DZIP3: variants seen among roughly 807,000 people sequenced by gnomAD.
The protein encoded by DZIP3 is E3 ubiquitin-protein ligase DZIP3.
In DZIP3, 118 loss-of-function variants were observed where a neutral mutation model predicts 162.0. The observed-to-expected ratio is 0.73, with a 90% CI of 0.63 to 0.85. DZIP3 has a LOEUF of 0.85. Among genes scored for constraint, DZIP3 ranks in the 40% least tolerant of loss-of-function variants. DZIP3 has a pLI of 0.00. For missense variants in DZIP3, 1,331 were observed against 1,407.0 expected, an observed-to-expected ratio of 0.95 and a Z score of 0.86; for synonymous variants, 438 against 458.6, an observed-to-expected ratio of 0.96 and a Z score of 0.57.
intron 3 of DZIP3, among the ~76,000 whole-genome samples, chr3:108,609,935 A>C (rs901789262): frequency 6.6e-6 from 1 of 152,198 alleles, no homozygotes; most frequent in Non-Finnish European, 1.5e-5. Flanking sequence ...ATGATTCTAC[A>C]AGTACTTTTG....
chr3:108,636,593 T>A (rs1431387664), intron 10 of DZIP3, 23 bp from the exon 11 acceptor site: 1 of 1,457,518 alleles, frequency 6.9e-7, no homozygotes, highest in Admixed American at 2.4e-5. Flanking sequence ...TCTATTTTTA[T>A]TTTTTTCTAT....
intron 27 of DZIP3, 104 bp from the exon 28 acceptor site, chr3:108,686,341 T>A: frequency 2.8e-6 from 3 of 1,056,344 alleles, no homozygotes; most frequent in Non-Finnish European, 3.8e-6. Flanking sequence ...AAAAATTGAA[T>A]GTGTATGCCA....
At chr3:108,651,656 C>T (rs76994162) in intron 18 of DZIP3, among the ~76,000 whole-genome samples, 1,970 of 151,688 alleles carry the variant, frequency 0.013, 42 homozygotes, top group African/African-American at 0.045. Context: ...AAGACTTAAC[C>T]TGCATTTTTT....
chr3:108,646,666 A>T lies in DZIP3; in HGVS notation c.1792+17A>T. 5 of 1,526,496 alleles carry T rather than the reference A, an allele frequency of 3.3e-6. No individual in the cohort carries two copies. Among genetic ancestry groups the T allele is most frequent in the Non-Finnish European group, 4.4e-6 (5 of 1,132,618 alleles). 94.6% of individuals were successfully genotyped at this position (1,526,496 alleles called of 1,614,324 possible). On this transcript the variant is annotated intron_variant, in intron 15 of 32. Transcript: ENST00000361582. ...GCAGTCAGCGTAAGTATATTTAGAA[A>T]TAAAATGTGTAAATGACTTTTTAAC...
intron 21 of DZIP3, among the ~76,000 whole-genome samples, chr3:108,668,164 GA>G: frequency 6.6e-6 from 1 of 152,062 alleles, no homozygotes; most frequent in Non-Finnish European, 1.5e-5. Context: ...GATGACAGTT[GA>G]AGTGTTAACA....
At chr3:108,628,388 C>T (rs1361310102) in intron 7 of DZIP3, among the ~76,000 whole-genome samples, 1 of 152,156 alleles carries the variant, frequency 6.6e-6, no homozygotes, top group Non-Finnish European at 1.5e-5. Context: ...CTAGGGTCTA[C>T]TCATTGCATA....
At chr3:108,603,461 ACAG>A (rs1396201781) in intron 1 of DZIP3, among the ~76,000 whole-genome samples, 1 of 152,204 alleles carries the variant, frequency 6.6e-6, no homozygotes. Flanking sequence ...CAGTATTTGA[ACAG>A]AGAATACAAA....
In DZIP3 at chr3:108,619,322, GTGTTT is replaced by G. The variant is rs1397357980; in HGVS notation, c.375+2672_375+2676del. 4.0e-5 allele frequency among the ~76,000 whole-genome samples: 6 copies of G among 150,136 alleles called. No individual in the cohort carries two copies. In the East Asian group the frequency reaches 7.8e-4, roughly 19 times the overall value. ...TGTGTATGTGTGTGTGTGTGTGTGT[GTGTTT>G]TGTTTTATATACATAAAACATACAA... On this transcript the variant is annotated intron_variant, in intron 5 of 32. Transcript: ENST00000361582.
intron 5 of DZIP3, among the ~76,000 whole-genome samples, chr3:108,621,226 GTGAA>G (rs1330735719): frequency 2.6e-5 from 4 of 152,178 alleles, no homozygotes; most frequent in East Asian, 1.9e-4. Context: ...AAGAGACAGA[GTGAA>G]TGAGAGTTTT....
Position 108,688,827 on chromosome 3 carries a change from A to G in DZIP3, c.3419A>G (p.Glu1140Gly). ...CATTTTCTGTATTTTCCCTAGGATGAGGAAGAGGAAGAAGAAGAGCCTTGT... is the reference window on the plus strand; with the variant it reads ...CATTTTCTGTATTTTCCCTAGGATGGGGAAGAGGAAGAAGAAGAGCCTTGT... ...ATWEGASNPD[E>G]EEEEEEPCVI... The change falls in exon 31 of 33, where the codon GAG becomes GGG. Residue 1140 changes from glutamate to glycine, a missense_variant. By Grantham distance (98) the Glu-to-Gly change is moderately conservative. Around this residue, in one of 2 missense-constraint regions of DZIP3, gnomAD observed 53 missense variants for 89.9 expected, o/e 0.59. Coordinates refer to ENST00000361582, the MANE Select transcript of DZIP3 (RefSeq NM_014648.4). 6.2e-7 allele frequency: 1 copy of G among 1,614,144 alleles called. No homozygotes were observed. The highest frequency in any genetic ancestry group is 1.1e-5 in the South Asian group (1 of 91,082).
intron 4 of DZIP3, among the ~76,000 whole-genome samples, chr3:108,616,265 A>AAAATAAATAAATAAAT (rs200164808): frequency 5.5e-5 from 8 of 145,308 alleles, no homozygotes; most frequent in African/African-American, 1.5e-4. Flanking sequence ...CTCCATCTCA[A>AAAATAAATAAATAAAT]AAATAAATAA....
intron 1 of DZIP3, among the ~76,000 whole-genome samples, chr3:108,592,115 T>G (rs1939456561): frequency 6.6e-6 from 1 of 152,182 alleles, no homozygotes; most frequent in African/African-American, 2.4e-5. Context: ...AGGTTTGTTT[T>G]TAGATTGATT....
chr3:108,671,021 A>G (rs1402276148), intron 22 of DZIP3, among the ~76,000 whole-genome samples: 1 of 151,884 alleles, frequency 6.6e-6, no homozygotes, highest in Non-Finnish European at 1.5e-5. Context: ...CCCTTATCAG[A>G]TACAAGTCCC....
At chr3:108,689,403 G>A (rs1944610898) in intron 31 of DZIP3, among the ~76,000 whole-genome samples, 3 of 152,212 alleles carry the variant, frequency 2.0e-5, no homozygotes, top group Admixed American at 2.0e-4. Flanking sequence ...TTAGAAAAAT[G>A]TGAGGCATGG....
intron 24 of DZIP3, 138 bp from the exon 25 acceptor site, chr3:108,675,648 C>T: frequency 3.6e-6 from 2 of 560,850 alleles, no homozygotes; most frequent in Non-Finnish European, 6.0e-6. Context: ...TCTTTATGTC[C>T]ATTTGAAGTA....
chr3:108,649,232 T>A (rs533896954), intron 17 of DZIP3, among the ~76,000 whole-genome samples: 1 of 152,048 alleles, frequency 6.6e-6, no homozygotes, highest in East Asian at 1.9e-4. Context: ...GGAAATTTCA[T>A]TAATTTCTAC....
At chr3:108,591,454 CG>C (rs1939416218) in intron 1 of DZIP3, among the ~76,000 whole-genome samples, 3 of 152,186 alleles carry the variant, frequency 2.0e-5, no homozygotes, top group African/African-American at 7.2e-5. Context: ...CAGGGTAATG[CG>C]CAAAGCTGCG....
chr3:108,683,527 A>G (rs192129925), intron 26 of DZIP3, among the ~76,000 whole-genome samples: 2 of 152,268 alleles, frequency 1.3e-5, no homozygotes, highest in East Asian at 3.9e-4. Flanking sequence ...TACATATCCA[A>G]TAAATCTGCC....
rs1944018511 is a variant in DZIP3, at chr3:108,674,164, G to A, written c.2676G>A (p.Val892=). ...EKECLNQLAR[V]THMAASNLES... is the part of the protein sequence containing the mutation. Reference sequence around the variant, plus strand: ...AATGTCTCAATCAGCTTGCCAGGGTGACTCACATGGCAGCAAGGTAACCTT... The same window carrying A: ...AATGTCTCAATCAGCTTGCCAGGGTAACTCACATGGCAGCAAGGTAACCTT... The change falls in exon 24 of 33, where the codon GTG becomes GTA. Residue 892 remains valine (V), a synonymous_variant. Coordinates refer to ENST00000361582, the MANE Select transcript of DZIP3 (RefSeq NM_014648.4). 4 of 1,612,064 alleles carry A rather than the reference G, an allele frequency of 2.5e-6. No homozygotes were observed. In the African/African-American group the frequency reaches 5.3e-5, roughly 22 times the overall value.
Sources: gnomAD v4.1 joint callset for allele counts (sites outside exome capture counted in the v4.1 genomes callset) on GRCh38, gnomAD v4.1.1 for gene constraint, gnomAD v4.1.1 regional missense constraint, MANE v1.5 for transcripts, NCBI Gene and HGNC (gene_info 2026-07-23, HGNC 2026-07-21) for gene names.